CTNNA2: variants seen among roughly 807,000 people sequenced by gnomAD.
CTNNA2 encodes catenin alpha 2.
Under a neutral mutation model 101.0 loss-of-function variants are expected in CTNNA2, and 42 were observed. The observed-to-expected ratio is 0.42, with a 90% CI of 0.32 to 0.54. The LOEUF is 0.54. Among genes scored for constraint, CTNNA2 ranks in the 20% least tolerant of loss-of-function variants. The probability of loss-of-function intolerance (pLI) is 0.14; values close to 1 mark genes in which losing one functional copy is unlikely to be tolerated. For synonymous variants in CTNNA2, 450 were observed against 456.4 expected, an observed-to-expected ratio of 0.99 and a Z score of 0.18; for missense variants, 871 against 1,223.1, an observed-to-expected ratio of 0.71 and a Z score of 4.29.
At chr2:79,525,038 CTTT>C (rs1175944281) in intron 1 of CTNNA2, among the ~76,000 whole-genome samples, 1 of 151,592 alleles carries the variant, frequency 6.6e-6, no homozygotes, top group Non-Finnish European at 1.5e-5. Context: ...TGATAGTAAA[CTTT>C]TTTTATTTAT....
intron 7 of CTNNA2, among the ~76,000 whole-genome samples, chr2:80,027,324 A>G (rs1338306516): frequency 2.0e-5 from 3 of 152,218 alleles, no homozygotes; most frequent in Non-Finnish European, 2.9e-5. Context: ...CATGGTTGAA[A>G]TGTAATGGAG....
intron 7 of CTNNA2, among the ~76,000 whole-genome samples, chr2:80,339,298 T>C (rs1176960496): frequency 1.3e-5 from 2 of 152,158 alleles, no homozygotes; most frequent in Non-Finnish European, 2.9e-5. Context: ...CTATGATTTA[T>C]AGTTTGAGTT....
At chr2:79,471,711 G>A (rs1053777597) in intron 4 of CTNNA2, among the ~76,000 whole-genome samples, 7 of 151,978 alleles carry the variant, frequency 4.6e-5, no homozygotes, top group East Asian at 1.9e-4. Context: ...GGTGGTGGGT[G>A]CCTGTAGTCC....
At chr2:79,359,651 C>G (rs186624198) in intron 3 of CTNNA2, among the ~76,000 whole-genome samples, 1 of 152,274 alleles carries the variant, frequency 6.6e-6, no homozygotes, top group South Asian at 2.1e-4. Flanking sequence ...CTGCGTAGAG[C>G]TAGGAGAAAT....
intron 6 of CTNNA2, among the ~76,000 whole-genome samples, chr2:79,896,644 C>T (rs72918646): frequency 0.046 from 7,042 of 152,288 alleles, 531 homozygotes; most frequent in African/African-American, 0.16. Context: ...ATCTGTTTCT[C>T]TCACACACAC....
chr2:79,700,208 A>G (rs1168521802), intron 2 of CTNNA2, among the ~76,000 whole-genome samples: 2 of 152,110 alleles, frequency 1.3e-5, no homozygotes, highest in Non-Finnish European at 2.9e-5. Context: ...ATATCTATGC[A>G]ATAATCATCA....
intron 12 of CTNNA2, among the ~76,000 whole-genome samples, chr2:80,562,995 T>G (rs1693742369): frequency 7.0e-6 from 1 of 141,964 alleles, no homozygotes. Context: ...AAATTTGGGG[T>G]GACACAGCAG....
intron 1 of CTNNA2, among the ~76,000 whole-genome samples, chr2:79,196,759 G>T (rs1260880327): frequency 6.6e-6 from 1 of 152,122 alleles, no homozygotes; most frequent in Non-Finnish European, 1.5e-5. Flanking sequence ...TTGCACTGTG[G>T]GGAAGTTGAA....
At chr2:80,059,944 C>T (rs1697464499) in intron 7 of CTNNA2, among the ~76,000 whole-genome samples, 1 of 152,188 alleles carries the variant, frequency 6.6e-6, no homozygotes, top group African/African-American at 2.4e-5. Context: ...CAGCCCTTCC[C>T]TTTCCAAAAA....
At chr2:80,607,419 T>C (rs1698121127) in intron 16 of CTNNA2, among the ~76,000 whole-genome samples, 1 of 151,846 alleles carries the variant, frequency 6.6e-6, no homozygotes, top group African/African-American at 2.4e-5. Context: ...TCTAGAAGTG[T>C]TCAGCCAAGC....
chr2:79,229,688 AAC>A (rs535656798), intron 2 of CTNNA2, among the ~76,000 whole-genome samples: 164 of 152,322 alleles, frequency 1.1e-3, no homozygotes, highest in African/African-American at 3.6e-3. Flanking sequence ...CAGAGGTTGG[AAC>A]AGTTTGGAGG....
intron 7 of CTNNA2, among the ~76,000 whole-genome samples, chr2:79,956,843 G>GTTTTTTTTTTCTTTTT (rs1302247404): frequency 2.7e-4 from 27 of 98,904 alleles, no homozygotes; most frequent in South Asian, 1.2e-3. Context: ...ATACGTGTGG[G>GTTTTTTTTTTCTTTTT]TTTTTTTTTT....
At chr2:80,611,065 A>G (rs1271229507) in intron 17 of CTNNA2, among the ~76,000 whole-genome samples, 1 of 151,566 alleles carries the variant, frequency 6.6e-6, no homozygotes, top group South Asian at 2.1e-4. Flanking sequence ...TTCTTATTAA[A>G]TCTCAAAGTA....
intron 2 of CTNNA2, among the ~76,000 whole-genome samples, chr2:79,304,049 C>T (rs1205650106): frequency 6.6e-6 from 1 of 151,998 alleles, no homozygotes; most frequent in Admixed American, 6.6e-5. Flanking sequence ...TATTGGCAGT[C>T]CATGCAGGGT....
intron 4 of CTNNA2, among the ~76,000 whole-genome samples, chr2:79,415,202 T>C (rs1455742494): frequency 6.6e-6 from 1 of 152,070 alleles, no homozygotes; most frequent in Admixed American, 6.6e-5. Context: ...TCTCTGTGAG[T>C]TCACATGAGA....
intron 7 of CTNNA2, among the ~76,000 whole-genome samples, chr2:80,034,384 C>T (rs181963770): frequency 9.4e-4 from 130 of 138,912 alleles, no homozygotes; most frequent in African/African-American, 2.9e-3. Flanking sequence ...TACGGAGTCT[C>T]GCTCTGTCAC....
intron 9 of CTNNA2, among the ~76,000 whole-genome samples, chr2:80,436,582 T>G (rs1224326419): frequency 6.6e-6 from 1 of 152,142 alleles, no homozygotes; most frequent in Admixed American, 6.5e-5. Flanking sequence ...TTCATGGTGC[T>G]GGAACAAAAT....
chr2:79,595,091 G>A (rs1428375874), intron 1 of CTNNA2, among the ~76,000 whole-genome samples: 4 of 151,922 alleles, frequency 2.6e-5, no homozygotes, highest in Admixed American at 1.3e-4. Context: ...TAGTCCACTC[G>A]GACTCTCTTC....
intron 7 of CTNNA2, among the ~76,000 whole-genome samples, chr2:80,197,287 G>C (rs569402306): frequency 6.6e-6 from 1 of 152,308 alleles, no homozygotes; most frequent in African/African-American, 2.4e-5. Context: ...TTCACTTGTA[G>C]AGTAGGTTGG....
Sources: allele counts gnomAD v4.1 joint callset (sites outside exome capture counted in the v4.1 genomes callset), GRCh38; gene constraint gnomAD v4.1.1; transcripts MANE v1.5; gene names NCBI Gene and HGNC (gene_info 2026-07-23, HGNC 2026-07-21).